The following P3R3URF variants were observed in gnomAD, a reference collection of about 807,000 sequenced individuals.
P3R3URF encodes the protein P3R3URF protein.
A neutral mutation model predicts 8.0 loss-of-function variants in P3R3URF; 6 were observed. The observed-to-expected ratio is 0.75, with a 90% CI of 0.41 to 1.47. The LOEUF is 1.47. P3R3URF is among the 40% of genes most tolerant of loss of function. The pLI is 0.01. For synonymous variants in P3R3URF, 39 were observed against 36.7 expected, an observed-to-expected ratio of 1.06 and a Z score of -0.23; for missense variants, 121 against 117.3, an observed-to-expected ratio of 1.03 and a Z score of -0.14.
At chr1:46,175,925 T>G in intron 1 of P3R3URF, 1 of 463,746 alleles carries the variant, frequency 2.2e-6, no homozygotes, top group Non-Finnish European at 3.8e-6. Flanking sequence ...CAGGCTGGAG[T>G]GCAGTGGCGC....
intron 1 of P3R3URF, among the ~76,000 whole-genome samples, 194 bp downstream of exon 1, chr1:46,176,034 G>A (rs953919466): frequency 8.5e-5 from 13 of 152,214 alleles, no homozygotes; most frequent in Admixed American, 2.0e-4. Context: ...CACCACGCCC[G>A]GCTAATTTTT....
chr1:46,176,199 C>G (rs940940869), intron 1 of P3R3URF, 29 bp downstream of exon 1: 51 of 1,534,000 alleles, frequency 3.3e-5, no homozygotes, highest in Non-Finnish European at 4.4e-5. Context: ...TTTAAAACCC[C>G]ACCCTGGCTC....
Position 46,176,291 on chromosome 1 carries a change from T to G in P3R3URF, c.181A>C (p.Arg61=), listed in dbSNP as rs1232012728. The change falls in exon 1 of 2, where the codon AGG becomes CGG. Residue 61 remains arginine (R), a synonymous_variant. Transcript: ENST00000506599. The part of the protein sequence containing the change: ...ASSAAINPAT[R]AMGINNTHTD... Reference sequence around the variant, plus strand: ...TGGGTGTTGTTGATACCCATGGCCCTGGTGGCAGGATTGATGGCTGCACTG... The same window carrying G: ...TGGGTGTTGTTGATACCCATGGCCCGGGTGGCAGGATTGATGGCTGCACTG... The G allele has an allele frequency of 6.5e-7, 1 of 1,535,676 alleles. No homozygotes were observed. The highest frequency in any genetic ancestry group is 8.7e-7 in the Non-Finnish European group (1 of 1,146,928).
Position 46,176,245 on chromosome 1 carries a change from C to G in P3R3URF, c.227G>C (p.Trp76Ser). ...NNTHTDTTIV[W>S]IFPPQVLRHL... ...TGGCTAACCTTGAGGTGGGAAGATCCACACTATGGTGGTGTCAGTGTGGGT... is the reference window on the plus strand; with the variant it reads ...TGGCTAACCTTGAGGTGGGAAGATCGACACTATGGTGGTGTCAGTGTGGGT... The change falls in exon 1 of 2, where the codon TGG becomes TCG. Residue 76 changes from tryptophan to serine, a missense_variant. Trp to Ser is a radical substitution (Grantham distance 177). Transcript: ENST00000506599. 6.5e-7 allele frequency: 1 copy of G among 1,535,154 alleles called. No individual in the cohort carries two copies. Among genetic ancestry groups the G allele is most frequent in the Non-Finnish European group, 8.7e-7 (1 of 1,146,740 alleles).
chr1:46,176,144 G>A, intron 1 of P3R3URF, 84 bp downstream of exon 1: 1 of 1,477,490 alleles, frequency 6.8e-7, no homozygotes, highest in Non-Finnish European at 9.1e-7. Flanking sequence ...CAAAGTGCCG[G>A]GATTACAGGC....
intron 1 of P3R3URF, 133 bp from the exon 2 acceptor site, chr1:46,175,762 T>G (rs1433156578): frequency 2.5e-6 from 1 of 404,030 alleles, no homozygotes; most frequent in Non-Finnish European, 4.3e-6. Flanking sequence ...GTCAGCACTT[T>G]GGGGTGCCTG....
intron 1 of P3R3URF, 155 bp from the exon 2 acceptor site, chr1:46,175,784 C>T (rs946476267): frequency 7.4e-6 from 3 of 405,758 alleles, no homozygotes; most frequent in African/African-American, 2.1e-5. Context: ...CATCAGGAGT[C>T]CCCCATATAT....
In P3R3URF at chr1:46,176,268, G is replaced by GGTGTT. The variant is rs1310589713; in HGVS notation, c.199_203dup (p.His69ThrfsTer8). ...TCCACACTATGGTGGTGTCAGTGTG[G>GGTGTT]GTGTTGTTGATACCCATGGCCCTGG... On this transcript the variant is annotated frameshift_variant, in exon 1 of 2. Transcript: ENST00000506599. LOFTEE classifies it high-confidence loss of function. 2.1e-5 allele frequency: 32 copies of GGTGTT among 1,535,756 alleles called. No homozygotes were observed. The highest frequency in any genetic ancestry group is 2.8e-5 in the Non-Finnish European group (32 of 1,146,910).
chr1:46,175,946 C>T (rs1053195457), intron 1 of P3R3URF: 27 of 493,170 alleles, frequency 5.5e-5, no homozygotes, highest in Non-Finnish European at 8.3e-5. Context: ...GATCTTGGCT[C>T]ACTGCAACCT....
rs911846833 is a variant in P3R3URF, at chr1:46,175,766, G to A, written c.245-137C>T. The A allele has an allele frequency of 2.2e-5, 9 of 403,704 alleles. No individual in the cohort carries two copies. The South Asian group carries it at 3.9e-4, about 17-fold the overall frequency. The allele number at this position is 403,704 out of a possible 1,614,324, so 25.0% of individuals were successfully genotyped here. A position where few individuals can be genotyped will look rare whatever the true frequency, so the allele number is the denominator to read the frequency against. The stretch of plus-strand genomic sequence containing the variant: ...CCATTAAGGCTGTCAGCACTTTGGG[G>A]TGCCTGCCATCAGGAGTCCCCCATA... On this transcript the variant is annotated intron_variant, in intron 1 of 1. Transcript: ENST00000506599.
At position 46,176,458 on chromosome 1, in the gene P3R3URF, C is replaced by T. The variant is rs867765299; in HGVS notation, c.14G>A (p.Arg5Gln). 12 of 1,535,594 alleles carry T rather than the reference C, an allele frequency of 7.8e-6. No individual in the cohort carries two copies. The highest frequency in any genetic ancestry group is 1.7e-4 in the Middle Eastern group (1 of 6,012). MGPS[R>Q]LVRGPRPQGM... Reference sequence around the variant, plus strand: ...CTGGGGCCGAGGGCCACGGACAAGCCGAGATGGCCCCATGGGCACAGGGAG... The same window carrying T: ...CTGGGGCCGAGGGCCACGGACAAGCTGAGATGGCCCCATGGGCACAGGGAG... The change falls in exon 1 of 2, where the codon CGG becomes CAG. Residue 5 changes from arginine (R) to glutamine (Q), a missense_variant. Transcript: ENST00000506599.
chr1:46,175,934 G>A (rs112922877), intron 1 of P3R3URF: 48 of 474,384 alleles, frequency 1.0e-4, no homozygotes, highest in African/African-American at 7.5e-4. Context: ...GTGCAGTGGC[G>A]CGATCTTGGC....
chr1:46,175,761 T>C (rs983342692), intron 1 of P3R3URF, 132 bp from the exon 2 acceptor site: 5 of 404,168 alleles, frequency 1.2e-5, no homozygotes, highest in African/African-American at 1.0e-4. Context: ...TGTCAGCACT[T>C]TGGGGTGCCT....
intron 1 of P3R3URF, chr1:46,175,855 A>G (rs1031925906): frequency 2.5e-5 from 11 of 442,364 alleles, no homozygotes; most frequent in Non-Finnish European, 3.9e-5. Context: ...CAGGTAGGGA[A>G]ATCTTCACTG....
Sources: allele counts gnomAD v4.1 joint callset (sites outside exome capture counted in the v4.1 genomes callset), GRCh38; gene constraint gnomAD v4.1.1; transcripts MANE v1.5; gene names NCBI Gene and HGNC (gene_info 2026-07-23, HGNC 2026-07-21).